Variants in RFXANK observed in about 807,000 individuals in gnomAD.
The protein encoded by RFXANK is DNA-binding protein RFXANK.
A neutral mutation model predicts 34.5 loss-of-function variants in RFXANK; 19 were observed. The observed-to-expected ratio is 0.55, with a 90% confidence interval of 0.38 to 0.81. The LOEUF (loss-of-function observed/expected upper bound fraction) is 0.81. Among genes scored for constraint, RFXANK ranks in the 30% least tolerant of loss-of-function variants. RFXANK has a pLI of 0.00. For synonymous variants in RFXANK, 154 were observed against 149.8 expected, an observed-to-expected ratio of 1.03 and a Z score of -0.20; for missense variants, 295 against 343.5, an observed-to-expected ratio of 0.86 and a Z score of 1.12.
intron 9 of RFXANK, among the ~76,000 whole-genome samples, chr19:19,200,379 T>C (rs953963092): frequency 2.6e-5 from 4 of 151,842 alleles, no homozygotes; most frequent in African/African-American, 7.3e-5. Context: ...GGTTTCACCA[T>C]GTTGGTCAGG....
At chr19:19,194,181 G>C in intron 3 of RFXANK, 48 bp downstream of exon 3, 2 of 1,574,398 alleles carry the variant, frequency 1.3e-6, no homozygotes, top group Non-Finnish European at 1.7e-6. Context: ...CATGATGATG[G>C]AATGTCAGGC....
intron 1 of RFXANK, 195 bp downstream of exon 1, chr19:19,192,749 T>G (rs922408342): frequency 6.6e-6 from 1 of 152,408 alleles, no homozygotes; most frequent in South Asian, 1.9e-4. Context: ...TCCCTCCGAG[T>G]CGGTGAGGAG....
chr19:19,192,407 C>T lies in RFXANK; in HGVS notation c.-297C>T, dbSNP rs935744846. 2 of 536,502 alleles carry T rather than the reference C, an allele frequency of 3.7e-6. No homozygotes were observed. Among genetic ancestry groups the T allele is most frequent in the Non-Finnish European group, 6.7e-6 (2 of 298,776 alleles). The allele number at this position is 536,502 out of a possible 1,614,324, so 33.2% of individuals were successfully genotyped here. On this transcript the variant is annotated 5_prime_UTR_variant, in exon 1 of 10. Coordinates refer to ENST00000303088, the MANE Select transcript of RFXANK (RefSeq NM_003721.4). ...AGAACTCTCTCCCTTTCTGAACCCC[C>T]TTTTCCTTGAGAGACGAGTTGGGGG...
rs569673805 is a variant in RFXANK, at chr19:19,198,570, C to G, written c.565-87C>G. ...GCCCAGTGATGAGCAGGAGGAACCACGTTCAACTGGAGGCCAGAGAGTACA... is the reference window on the plus strand; with the variant it reads ...GCCCAGTGATGAGCAGGAGGAACCAGGTTCAACTGGAGGCCAGAGAGTACA... On this transcript the variant is annotated intron_variant, in intron 7 of 9. Coordinates refer to ENST00000303088, the MANE Select transcript of RFXANK (RefSeq NM_003721.4). The G allele has an allele frequency of 2.7e-6, 4 of 1,483,230 alleles. No individual in the cohort carries two copies. In the Admixed American group the frequency reaches 6.8e-5, roughly 25 times the overall value. The allele number at this position is 1,483,230 out of a possible 1,614,324, so 91.9% of individuals were successfully genotyped here. A position where few individuals can be genotyped will look rare whatever the true frequency, so the allele number is the denominator to read the frequency against.
In RFXANK at chr19:19,194,220, T is replaced by TTTTTG. The variant is rs900123281; in HGVS notation, c.187+105_187+109dup. ...ACATGGAACCTGTGTCTTGCTTTCG[T>TTTTTG]TTTTGTTTTGTTTTGTTTTGTTGTT... On this transcript the variant is annotated intron_variant, in intron 3 of 9. Transcript: ENST00000303088. 34 of 1,441,762 alleles carry TTTTTG rather than the reference T, an allele frequency of 2.4e-5. No homozygotes were observed. The East Asian group carries it at 3.0e-4, about 13-fold the overall frequency. 89.3% of individuals were successfully genotyped at this position (1,441,762 alleles called of 1,614,324 possible).
chr19:19,198,887 G>A (rs2146497438), intron 8 of RFXANK, 164 bp downstream of exon 8: 1 of 799,898 alleles, frequency 1.3e-6, no homozygotes, highest in Non-Finnish European at 2.1e-6. Context: ...GAGGTGGTAG[G>A]ACCACACGGG....
chr19:19,201,390 G>A lies in RFXANK; in HGVS notation c.713-259G>A, dbSNP rs1366342235. The A allele has an allele frequency of 3.8e-6, 5 of 1,310,204 alleles. No homozygotes were observed. The African/African-American group carries it at 5.9e-5, about 15-fold the overall frequency. 81.2% of individuals were successfully genotyped at this position (1,310,204 alleles called of 1,614,324 possible). A position where few individuals can be genotyped will look rare whatever the true frequency, so the allele number is the denominator to read the frequency against. The stretch of plus-strand genomic sequence containing the variant: ...ACCATGCCCAGGCTCATCTTTTCAT[G>A]AAAGTCACAATTCACACATTTTGCT... On this transcript the variant is annotated intron_variant, in intron 9 of 9. Coordinates refer to ENST00000303088, the MANE Select transcript of RFXANK (RefSeq NM_003721.4).
chr19:19,193,831 C>T, intron 2 of RFXANK, 108 bp from the exon 3 acceptor site: 2 of 1,268,686 alleles, frequency 1.6e-6, no homozygotes, highest in East Asian at 2.3e-5. Flanking sequence ...TAACCTGGAC[C>T]TCAGTTTACC....
intron 4 of RFXANK, 24 bp downstream of exon 4, chr19:19,197,070 C>T: frequency 6.2e-7 from 1 of 1,613,140 alleles, no homozygotes; most frequent in Non-Finnish European, 8.5e-7. Context: ...CGGTCCCCAA[C>T]AAGGAGAGGA....
chr19:19,197,288 C>G, intron 5 of RFXANK, 37 bp downstream of exon 5: 1 of 1,604,804 alleles, frequency 6.2e-7, no homozygotes, highest in Non-Finnish European at 8.5e-7. Context: ...ATGTCTGCAC[C>G]TGGCTGGTGT....
intron 6 of RFXANK, 53 bp from the exon 7 acceptor site, chr19:19,198,054 A>G (rs1338683989): frequency 1.2e-5 from 19 of 1,606,438 alleles, no homozygotes; most frequent in Non-Finnish European, 1.6e-5. Context: ...GTACCCCAGG[A>G]TTCCTGGTTA....
At chr19:19,198,592 T>C in intron 7 of RFXANK, 65 bp from the exon 8 acceptor site, 1 of 1,576,334 alleles carries the variant, frequency 6.3e-7, no homozygotes, top group Non-Finnish European at 8.7e-7. Context: ...GGCCAGAGAG[T>C]ACAAGGCATT....
Position 19,198,195 on chromosome 19 carries a change from TGC to T in RFXANK, c.528_529del (p.Leu177GlyfsTer3). 6.2e-7 allele frequency: 1 copy of T among 1,614,170 alleles called. No homozygotes were observed. Among genetic ancestry groups the T allele is most frequent in the African/African-American group, 1.3e-5 (1 of 75,060 alleles). The stretch of plus-strand genomic sequence containing the variant: ...GGCTACACAGACATTGTGGGGCTGC[TGC>T]TGGAGCGTGACGTGGACATCAACAT... On this transcript the variant is annotated frameshift_variant, in exon 7 of 10. Transcript: ENST00000303088. LOFTEE classifies it high-confidence loss of function.
At chr19:19,195,647 A>C (rs936886310) in intron 3 of RFXANK, among the ~76,000 whole-genome samples, 3 of 132,010 alleles carry the variant, frequency 2.3e-5, no homozygotes, top group East Asian at 2.3e-4. Flanking sequence ...CGGTGGTGTC[A>C]CCTTGGGGAG....
intron 3 of RFXANK, among the ~76,000 whole-genome samples, chr19:19,196,328 G>A (rs1316687891): frequency 1.3e-5 from 2 of 152,054 alleles, no homozygotes; most frequent in South Asian, 2.1e-4. Flanking sequence ...GGGAGGCCAC[G>A]GCAGGAGAAT....
rs762597760 is a variant in RFXANK at position 19,197,551 on chromosome 19, G to A, written c.368G>A (p.Arg123His). The A allele has an allele frequency of 2.5e-5, 40 of 1,613,794 alleles. No homozygotes were observed. Among genetic ancestry groups the A allele is most frequent in the Admixed American group, 1.7e-4 (10 of 59,992 alleles). The change falls in exon 6 of 10, where the codon CGC (arginine) becomes CAC (histidine). Residue 123 changes from arginine (R) to histidine (H), a missense_variant. Arg to His is a conservative substitution (Grantham distance 29). Transcript: ENST00000303088. ...AACCTCGTCAACAAGCCAGACGAGC[G>A]CGGCTTCACCCCCCTCATCTGGGCC... is the stretch of plus-strand genomic sequence containing the variant. The part of the protein sequence containing the change: ...GDNLVNKPDE[R>H]GFTPLIWASA...
rs2060547631 is a variant in RFXANK, at chr19:19,193,930, C to T, written c.-8-9C>T. 1 of 1,614,060 alleles carries T rather than the reference C, an allele frequency of 6.2e-7. No individual in the cohort carries two copies. Among genetic ancestry groups the T allele is most frequent in the East Asian group, 2.2e-5 (1 of 44,888 alleles). ...ATTGTCATCTCTCCCCTTCTGACACCTCCGCCAGCTTTCCCCATGGAGCTT... is the reference window on the plus strand; with the variant it reads ...ATTGTCATCTCTCCCCTTCTGACACTTCCGCCAGCTTTCCCCATGGAGCTT... On this transcript the variant is annotated splice_polypyrimidine_tract_variant and intron_variant, in intron 2 of 9. Coordinates refer to ENST00000303088, the MANE Select transcript of RFXANK (RefSeq NM_003721.4).
In RFXANK at chr19:19,193,412, CTTTTTTTT is replaced by C. The variant is rs71338310; in HGVS notation, c.-9+329_-9+336del. 3.3e-3 allele frequency among the ~76,000 whole-genome samples: 313 copies of C among 94,810 alleles called. 1 individual carries two copies. The highest frequency in any genetic ancestry group is 0.011 in the African/African-American group (258 of 24,462). 62.2% of individuals were successfully genotyped at this position (94,810 alleles called of 152,430 possible). Reference sequence around the variant, plus strand: ...CAGAGCCCCGGCTTTTTTTTCCTTTCTTTTTTTTTTTTTTTTTTTTTTTTGAGACAGAG... The same window carrying C: ...CAGAGCCCCGGCTTTTTTTTCCTTTCTTTTTTTTTTTTTTTTGAGACAGAG... On this transcript the variant is annotated intron_variant, in intron 2 of 9. Coordinates refer to ENST00000303088, the MANE Select transcript of RFXANK (RefSeq NM_003721.4).
Position 19,192,260 on chromosome 19 carries a change from T to A in RFXANK, c.-444T>A. 1 of 1,123,150 alleles carries A rather than the reference T, an allele frequency of 8.9e-7. No individual in the cohort carries two copies. Among genetic ancestry groups the A allele is most frequent in the Non-Finnish European group, 1.3e-6 (1 of 783,390 alleles). 69.6% of individuals were successfully genotyped at this position (1,123,150 alleles called of 1,614,324 possible). ...GCCCGCCCTCCCCGCTCCTCAGTCT[T>A]TGCGGACAAGAAAGGGGCTGTGTGA... is the stretch of plus-strand genomic sequence containing the variant. On this transcript the variant is annotated 5_prime_UTR_variant, in exon 1 of 10. It adds an upstream start codon to the 5' untranslated region. Coordinates refer to ENST00000303088, the MANE Select transcript of RFXANK (RefSeq NM_003721.4).
Sources: allele counts gnomAD v4.1 joint callset (sites outside exome capture counted in the v4.1 genomes callset), GRCh38; gene constraint gnomAD v4.1.1; transcripts MANE v1.5; gene names NCBI Gene and HGNC (gene_info 2026-07-23, HGNC 2026-07-21).